Variants in PDHA1 observed in about 807,000 individuals in gnomAD.
The protein encoded by PDHA1 is pyruvate dehydrogenase E1 subunit alpha 1.
Under a neutral mutation model 33.0 loss-of-function variants are expected in PDHA1, and 1 was observed. The ratio of observed to expected loss-of-function variants is 0.03; its 90% CI spans 0.01 to 0.14. The LOEUF (loss-of-function observed/expected upper bound fraction) is 0.14. Among genes scored for constraint, PDHA1 ranks in the 10% least tolerant of loss-of-function variants. PDHA1 has a pLI of 1.00. For synonymous variants in PDHA1, 123 were observed against 119.2 expected, an observed-to-expected ratio of 1.03 and a Z score of -0.21; for missense variants, 168 against 325.1, an observed-to-expected ratio of 0.52 and a Z score of 3.72.
rs377382652 is a variant in PDHA1, at chrX:19,361,338, C to T, written c.*1685C>T. On this transcript the variant is annotated 3_prime_UTR_variant, in exon 11 of 11. Coordinates refer to ENST00000422285, the MANE Select transcript of PDHA1 (RefSeq NM_000284.4). ...TATACAAACTGTTTTGAGGCTCTTA[C>T]CGTAGTCGAAGGTATCTTAGATCTT... 4.2e-6 allele frequency: 5 copies of T among 1,196,851 alleles called. No individual in the cohort carries two copies. Among genetic ancestry groups the T allele is most frequent in the Non-Finnish European group, 4.5e-6 (4 of 883,337 alleles).
chrX:19,358,433 G>GACTT (rs1290404868), intron 9 of PDHA1, among the ~76,000 whole-genome samples: 5 of 111,685 alleles, frequency 4.5e-5, no homozygotes, highest in Non-Finnish European at 3.8e-5. Flanking sequence ...TCTTTAGGGG[G>GACTT]ACTTAAGGGA....
intron 8 of PDHA1, among the ~76,000 whole-genome samples, chrX:19,356,656 C>CCCCCA (rs1314948548): frequency 3.8e-4 from 42 of 111,668 alleles, no homozygotes; most frequent in Middle Eastern, 4.3e-3. Flanking sequence ...GGGGGCCAGC[C>CCCCCA]CTGGCTGGAG....
intron 5 of PDHA1, among the ~76,000 whole-genome samples, chrX:19,353,909 A>G (rs1010779227): frequency 4.5e-5 from 5 of 111,142 alleles, no homozygotes; most frequent in Non-Finnish European, 5.7e-5. Context: ...CCTTTCTAAT[A>G]TATTAAGATT....
At chrX:19,344,780 CAT>C (rs758386042) in intron 1 of PDHA1, among the ~76,000 whole-genome samples, 17 of 112,818 alleles carry the variant, frequency 1.5e-4, no homozygotes, top group Admixed American at 1.2e-3. Flanking sequence ...TAATCGATAA[CAT>C]GTGTGTTGAA....
At chrX:19,350,685 T>C (rs961448841) in intron 3 of PDHA1, among the ~76,000 whole-genome samples, 2 of 112,751 alleles carry the variant, frequency 1.8e-5, no homozygotes, top group Non-Finnish European at 3.7e-5. Context: ...AGTTTTACTA[T>C]TTTAAAACTT....
chrX:19,359,919 T>TTGTA lies in PDHA1; in HGVS notation c.*269_*272dup. 1 of 364,273 alleles carries TTGTA rather than the reference T, an allele frequency of 2.7e-6. No individual in the cohort carries two copies. Among genetic ancestry groups the TTGTA allele is most frequent in the South Asian group, 3.4e-5 (1 of 29,578 alleles). 30.0% of individuals were successfully genotyped at this position (364,273 alleles called of 1,213,427 possible). A position where few individuals can be genotyped will look rare whatever the true frequency, so the allele number is the denominator to read the frequency against. ...AATTATGAAAAGGAAGAACAATTCC[T>TTGTA]TGTATGCCTGTTTCCCCTGCCCCCA... On this transcript the variant is annotated 3_prime_UTR_variant, in exon 11 of 11. Transcript: ENST00000422285.
intron 8 of PDHA1, among the ~76,000 whole-genome samples, chrX:19,356,952 A>G (rs1467064185): frequency 8.9e-6 from 1 of 111,856 alleles, no homozygotes; most frequent in Non-Finnish European, 1.9e-5. Flanking sequence ...CCAACTGTCC[A>G]GACTCCCAGC....
rs1421956646 is a variant in PDHA1, at chrX:19,343,984, C to T, written c.-54C>T. ...CCTGAAGGAGACTTGGGGGCACCCG[C>T]GTCGTGCCTCCTGGGTTGTGAGGAG... On this transcript the variant is annotated 5_prime_UTR_variant, in exon 1 of 11. Coordinates refer to ENST00000422285, the MANE Select transcript of PDHA1 (RefSeq NM_000284.4). The T allele has an allele frequency of 1.8e-6, 2 of 1,119,823 alleles. No individual in the cohort carries two copies. The highest frequency in any genetic ancestry group is 1.2e-6 in the Non-Finnish European group (1 of 816,687). 92.3% of individuals were successfully genotyped at this position (1,119,823 alleles called of 1,213,427 possible).
At chrX:19,351,592 G>A (rs980985496) in intron 4 of PDHA1, 185 bp downstream of exon 4, 2 of 423,790 alleles carry the variant, frequency 4.7e-6, no homozygotes, top group Non-Finnish European at 8.2e-6. Flanking sequence ...GAAGTTCTCT[G>A]GCCCCTCAGG....
chrX:19,350,014 C>T lies in PDHA1; in HGVS notation c.195C>T (p.Tyr65=). ...CCAGGGAGGATGGGCTCAAATACTA[C>T]AGGATGATGCAGACTGTACGCCGAA... ...VLTREDGLKY[Y]RMMQTVRRME... Residue 65 remains tyrosine (Y), a synonymous_variant, in exon 3 of 11, where the codon TAC becomes TAT. Coordinates refer to ENST00000422285, the MANE Select transcript of PDHA1 (RefSeq NM_000284.4). 2.5e-6 allele frequency: 3 copies of T among 1,194,954 alleles called. No individual in the cohort carries two copies. Among genetic ancestry groups the T allele is most frequent in the Non-Finnish European group, 3.4e-6 (3 of 880,324 alleles).
chrX:19,352,695 G>C (rs1488019783), intron 4 of PDHA1: 1 of 204,527 alleles, frequency 4.9e-6, no homozygotes, highest in Non-Finnish European at 9.0e-6. Context: ...ATACATGTGT[G>C]GCTGAAAAAA....
Position 19,360,571 on chromosome X carries a change from T to TA in PDHA1, c.*921dup, listed in dbSNP as rs760736313. The TA allele has an allele frequency of 1.1e-4, 43 of 406,304 alleles. No homozygotes were observed. The highest frequency in any genetic ancestry group is 1.4e-4 in the Non-Finnish European group (33 of 235,092). The allele number at this position is 406,304 out of a possible 1,213,427, so 33.5% of individuals were successfully genotyped here. On this transcript the variant is annotated 3_prime_UTR_variant, in exon 11 of 11. Transcript: ENST00000422285. ...CACAATACACACAGTTCTATGTTTA[T>TA]AAATAACAGGTTTCAAAAGAAACTC... is the stretch of plus-strand genomic sequence containing the variant.
rs1430450518 is a variant in PDHA1, at chrX:19,353,062, G to A, written c.419-20G>A. On this transcript the variant is annotated intron_variant, in intron 4 of 10. Transcript: ENST00000422285. ...TAGAGTTGGTTTGTTCTGCACATGT[G>A]TATGTTCTGCCATTTCCAGGACGAA... 3.4e-6 allele frequency: 4 copies of A among 1,172,370 alleles called. No individual in the cohort carries two copies. The highest frequency in any genetic ancestry group is 1.8e-5 in the African/African-American group (1 of 57,119).
intron 1 of PDHA1, among the ~76,000 whole-genome samples, chrX:19,348,055 G>A (rs1344969208): frequency 3.5e-5 from 4 of 112,692 alleles, no homozygotes; most frequent in African/African-American, 6.4e-5. Context: ...GATCAGTCCA[G>A]TGCTGGATTA....
At position 19,355,709 on chromosome X, in the gene PDHA1, C is replaced by T. The variant is rs1569191865; in HGVS notation, c.783C>T (p.Cys261=). ...GLRVDGMDIL[C]VREATRFAAA... is the part of the protein sequence containing the mutation. ...AGGTGGATGGAATGGATATCCTGTG[C>T]GTCCGAGAGGCAACAAGGTTTGCTG... is the stretch of plus-strand genomic sequence containing the variant. The change falls in exon 8 of 11, where the codon TGC becomes TGT. Residue 261 remains cysteine (C), a synonymous_variant. Coordinates refer to ENST00000422285, the MANE Select transcript of PDHA1 (RefSeq NM_000284.4). 6 of 1,208,480 alleles carry T rather than the reference C, an allele frequency of 5.0e-6. No homozygotes were observed. Among genetic ancestry groups the T allele is most frequent in the South Asian group, 3.5e-5 (2 of 56,942 alleles).
intron 5 of PDHA1, among the ~76,000 whole-genome samples, chrX:19,354,168 T>C (rs1240462244): frequency 1.8e-5 from 2 of 112,269 alleles, no homozygotes; most frequent in East Asian, 5.6e-4. Context: ...ATGGTCTCGA[T>C]CTGTGGACCT....
chrX:19,360,565 T>TGTTTA lies in PDHA1; in HGVS notation c.*913_*917dup. ...TGTTTTCACAATACACACAGTTCTATGTTTATAAATAACAGGTTTCAAAAG... is the reference window on the plus strand; with the variant it reads ...TGTTTTCACAATACACACAGTTCTATGTTTAGTTTATAAATAACAGGTTTCAAAAG... On this transcript the variant is annotated 3_prime_UTR_variant, in exon 11 of 11. Coordinates refer to ENST00000422285, the MANE Select transcript of PDHA1 (RefSeq NM_000284.4). 2.5e-6 allele frequency: 1 copy of TGTTTA among 400,190 alleles called. No individual in the cohort carries two copies. Among genetic ancestry groups the TGTTTA allele is most frequent in the East Asian group, 4.4e-5 (1 of 22,489 alleles). 33.0% of individuals were successfully genotyped at this position (400,190 alleles called of 1,213,427 possible). A position where few individuals can be genotyped will look rare whatever the true frequency, so the allele number is the denominator to read the frequency against.
At chrX:19,346,102 T>C in intron 1 of PDHA1, among the ~76,000 whole-genome samples, 1 of 112,050 alleles carries the variant, frequency 8.9e-6, no homozygotes, top group Non-Finnish European at 1.9e-5. Flanking sequence ...ATTTTGCATA[T>C]AAGCCTTTCA....
Position 19,360,793 on chromosome X carries a change from A to T in PDHA1, c.*1140A>T. ...TCTGAGGCCTCCTGAGCCCTTCTGTACTGGGAGACCGCACTCCAGAGTCTG... is the reference window on the plus strand; with the variant it reads ...TCTGAGGCCTCCTGAGCCCTTCTGTTCTGGGAGACCGCACTCCAGAGTCTG... On this transcript the variant is annotated 3_prime_UTR_variant, in exon 11 of 11. Coordinates refer to ENST00000422285, the MANE Select transcript of PDHA1 (RefSeq NM_000284.4). 1 of 1,209,924 alleles carries T rather than the reference A, an allele frequency of 8.3e-7. No individual in the cohort carries two copies. Among genetic ancestry groups the T allele is most frequent in the South Asian group, 1.8e-5 (1 of 56,738 alleles).
Sources: allele counts gnomAD v4.1 joint callset (sites outside exome capture counted in the v4.1 genomes callset), GRCh38; gene constraint gnomAD v4.1.1; transcripts MANE v1.5; gene names NCBI Gene and HGNC (gene_info 2026-07-23, HGNC 2026-07-21).